The following RNF149 variants were observed in gnomAD, a reference collection of about 807,000 sequenced individuals.
RNF149 encodes the protein ring finger protein 149.
RNF149 carries 21 observed loss-of-function variants against 39.0 expected under a neutral mutation model. The observed-to-expected ratio is 0.54, with a 90% CI of 0.38 to 0.77. The LOEUF (loss-of-function observed/expected upper bound fraction) is 0.77. RNF149 is among the 30% of genes least tolerant of loss of function. RNF149 has a pLI of 0.00. For missense variants in RNF149, 493 were observed against 534.9 expected (o/e 0.92, Z 0.77); for synonymous variants, 209 against 213.6 (o/e 0.98, Z 0.19).
Position 101,301,296 on chromosome 2 carries a change from T to TA in RNF149, c.461-6116_461-6115insT, listed in dbSNP as rs1573260369. Reference sequence around the variant, plus strand: ...TTTGCACATAGTACATAATCATAAATCTACTTGCTGAACAATACTAAATAA... The same window carrying TA: ...TTTGCACATAGTACATAATCATAAATACTACTTGCTGAACAATACTAAATAA... On this transcript the variant is annotated intron_variant, in intron 1 of 6. Coordinates refer to ENST00000295317, the MANE Select transcript of RNF149 (RefSeq NM_173647.4). Among the ~76,000 whole-genome samples, 3 of 152,016 alleles carry TA rather than the reference T, an allele frequency of 2.0e-5. No individual in the cohort carries two copies. In the East Asian group the frequency reaches 5.8e-4, roughly 29 times the overall value.
chr2:101,280,219 A>G (rs1364240190), intron 6 of RNF149, among the ~76,000 whole-genome samples: 1 of 143,822 alleles, frequency 7.0e-6, no homozygotes, highest in Non-Finnish European at 1.5e-5. Flanking sequence ...TGATGATGAT[A>G]ATGTAGAATA....
chr2:101,287,730 T>A (rs1314165240), intron 4 of RNF149, among the ~76,000 whole-genome samples: 1 of 152,210 alleles, frequency 6.6e-6, no homozygotes, highest in Admixed American at 6.5e-5. Context: ...TTAAACCAGC[T>A]ACCTTTAGTC....
chr2:101,296,082 C>A (rs1174826056), intron 1 of RNF149, among the ~76,000 whole-genome samples: 3 of 152,170 alleles, frequency 2.0e-5, no homozygotes, highest in Non-Finnish European at 4.4e-5. Context: ...CATGCTACTG[C>A]ATTCCAGCTT....
At chr2:101,302,678 G>C (rs1258964070) in intron 1 of RNF149, among the ~76,000 whole-genome samples, 1 of 152,028 alleles carries the variant, frequency 6.6e-6, no homozygotes, top group East Asian at 1.9e-4. Flanking sequence ...ACTTTAACTT[G>C]TCCTTCAAAA....
downstream of RNF149, among the ~76,000 whole-genome samples, chr2:101,273,722 C>T (rs565479923): frequency 7.3e-4 from 111 of 152,258 alleles, no homozygotes; most frequent in African/African-American, 2.6e-3. Flanking sequence ...ATCCTCCCAT[C>T]TTGGCCTCCC....
At chr2:101,272,822 C>A, downstream of RNF149, 1 of 580,040 alleles carries the variant, frequency 1.7e-6, no homozygotes, top group Non-Finnish European at 2.8e-6. Flanking sequence ...ATTTCATCCC[C>A]AGTATATGGG....
At chr2:101,289,088 C>A (rs761220792) in intron 3 of RNF149, 33 bp from the exon 4 acceptor site, 2 of 1,263,682 alleles carry the variant, frequency 1.6e-6, no homozygotes, top group South Asian at 1.2e-5. Context: ...TTACTACATT[C>A]TTGGTACACA....
downstream of RNF149, among the ~76,000 whole-genome samples, chr2:101,272,003 C>T (rs552259460): frequency 2.0e-5 from 3 of 152,344 alleles, no homozygotes; most frequent in African/African-American, 7.2e-5. Context: ...TTTTGAATTA[C>T]ATTCCTTAAA....
In RNF149 at chr2:101,308,547, G is replaced by A; in HGVS notation, c.42C>T (p.Gly14=). 4.4e-6 allele frequency: 7 copies of A among 1,590,362 alleles called. No homozygotes were observed. Among genetic ancestry groups the A allele is most frequent in the South Asian group, 1.1e-5 (1 of 89,268 alleles). Residue 14 remains glycine (G), a synonymous_variant, in exon 1 of 7, where the codon GGC becomes GGT. Coordinates refer to ENST00000295317, the MANE Select transcript of RNF149 (RefSeq NM_173647.4). The part of the protein sequence containing the change: ...RRREASVGAR[G]VLALALLALA... Reference sequence around the variant, plus strand: ...GGGCGAGCAACGCCAGAGCCAACACGCCGCGAGCCCCGACGCTGGCTTCGC... The same window carrying A: ...GGGCGAGCAACGCCAGAGCCAACACACCGCGAGCCCCGACGCTGGCTTCGC...
chr2:101,307,973 C>T, intron 1 of RNF149, 156 bp downstream of exon 1: 1 of 985,462 alleles, frequency 1.0e-6, no homozygotes, highest in Non-Finnish European at 1.2e-6. Flanking sequence ...GGAGCCGCAC[C>T]GAGCAAACGA....
intron 1 of RNF149, 96 bp downstream of exon 1, chr2:101,308,033 C>T (rs1683745259): frequency 1.3e-6 from 2 of 1,497,784 alleles, no homozygotes; most frequent in East Asian, 2.5e-5. Flanking sequence ...CCGTGCCAGG[C>T]CCGCTTCGCG....
intron 1 of RNF149, among the ~76,000 whole-genome samples, chr2:101,306,987 TTG>T (rs1367655622): frequency 9.2e-5 from 14 of 152,208 alleles, no homozygotes; most frequent in Non-Finnish European, 1.9e-4. Flanking sequence ...AGTCAACTAG[TTG>T]TGTGATGCAT....
intron 1 of RNF149, among the ~76,000 whole-genome samples, chr2:101,302,384 T>C (rs1035407029): frequency 5.9e-5 from 9 of 152,176 alleles, no homozygotes; most frequent in African/African-American, 1.9e-4. Flanking sequence ...GTAAATATCA[T>C]GGAAATCTGA....
chr2:101,272,952 T>G (rs1203413936), downstream of RNF149: 1 of 1,352,080 alleles, frequency 7.4e-7, no homozygotes, highest in African/African-American at 1.5e-5. Context: ...GTCAGACTAG[T>G]GGTTCGCTTC....
At chr2:101,278,455 T>G (rs749189385) in intron 6 of RNF149, among the ~76,000 whole-genome samples, 22 of 152,208 alleles carry the variant, frequency 1.4e-4, no homozygotes, top group Non-Finnish European at 2.4e-4. Context: ...AAGTTTCTAT[T>G]AAATGGTGAA....
chr2:101,301,331 ATT>A (rs774242125), intron 1 of RNF149, among the ~76,000 whole-genome samples: 1 of 145,392 alleles, frequency 6.9e-6, no homozygotes, highest in African/African-American at 2.5e-5. Context: ...ACAAATATAG[ATT>A]TTTTTTTTTT....
chr2:101,295,746 C>A (rs1315137918), intron 1 of RNF149, among the ~76,000 whole-genome samples: 1 of 149,802 alleles, frequency 6.7e-6, no homozygotes, highest in Non-Finnish European at 1.5e-5. Flanking sequence ...ACCTTTAAGG[C>A]ACAAGAAACA....
At chr2:101,294,317 A>G in intron 2 of RNF149, 1 of 382,542 alleles carries the variant, frequency 2.6e-6, no homozygotes, top group Non-Finnish European at 4.7e-6. Context: ...TATGCAGAAC[A>G]GCCATATGTA....
At chr2:101,296,792 A>G (rs933011541) in intron 1 of RNF149, among the ~76,000 whole-genome samples, 1 of 152,204 alleles carries the variant, frequency 6.6e-6, no homozygotes, top group Non-Finnish European at 1.5e-5. Flanking sequence ...ATCAAAAAAT[A>G]CATATTGACG....
Sources: allele counts gnomAD v4.1 joint callset (sites outside exome capture counted in the v4.1 genomes callset), GRCh38; gene constraint gnomAD v4.1.1; transcripts MANE v1.5; gene names NCBI Gene and HGNC (gene_info 2026-07-23, HGNC 2026-07-21).